Variants in USP20 observed in about 807,000 individuals in gnomAD.
USP20 encodes ubiquitin carboxyl-terminal hydrolase 20.
Under a neutral mutation model 124.2 loss-of-function variants are expected in USP20, and 80 were observed. The ratio of observed to expected loss-of-function variants is 0.64; its 90% CI spans 0.54 to 0.78. The LOEUF is 0.78. USP20 is among the 30% of genes least tolerant of loss of function. The pLI is 0.00. For synonymous variants in USP20, 481 were observed against 512.3 expected, an observed-to-expected ratio of 0.94 and a Z score of 0.83; for missense variants, 1,043 against 1,244.4, an observed-to-expected ratio of 0.84 and a Z score of 2.44.
intron 3 of USP20, among the ~76,000 whole-genome samples, chr9:129,855,052 T>G (rs904201114): frequency 9.9e-5 from 15 of 152,164 alleles, no homozygotes; most frequent in Non-Finnish European, 1.9e-4. Context: ...GTGTGACCTC[T>G]CTGAGTCCCA....
intron 3 of USP20, 144 bp downstream of exon 3, chr9:129,852,780 G>C: frequency 2.4e-6 from 2 of 833,850 alleles, no homozygotes; most frequent in Admixed American, 5.4e-5. Flanking sequence ...GCTGGCATCT[G>C]CTTGGGAGGC....
At chr9:129,843,645 C>G (rs7852266) in intron 1 of USP20, among the ~76,000 whole-genome samples, 23,666 of 148,414 alleles carry the variant, frequency 0.16, 2,280 homozygotes, top group African/African-American at 0.27. Context: ...GCTGAGGCAG[C>G]AGAATTGCTT....
chr9:129,861,091 G>A (rs1363266261), intron 7 of USP20, 58 bp downstream of exon 7: 1 of 1,515,104 alleles, frequency 6.6e-7, no homozygotes, highest in East Asian at 2.3e-5. Flanking sequence ...CTCATCTGGA[G>A]GCTGGAAACC....
At chr9:129,846,247 A>ATCTATTTTT (rs1554742656) in intron 1 of USP20, among the ~76,000 whole-genome samples, 1 of 32,664 alleles carries the variant, frequency 3.1e-5, no homozygotes, top group African/African-American at 1.2e-4. Flanking sequence ...ATATATATAT[A>ATCTATTTTT]TTTTTTTTTT....
At position 129,839,528 on chromosome 9, in the gene USP20, C is replaced by T. The variant is rs2032070439; in HGVS notation, c.-129+4029C>T. ...GTGTGTCTGGGACTTAGGGAGAATG[C>T]TGTTGTGTGGAGGTAGAGTAAAGAC... On this transcript the variant is annotated intron_variant, in intron 1 of 25. Coordinates refer to ENST00000372429, the MANE Select transcript of USP20 (RefSeq NM_001110303.4). This position sits in a 1 kb window ranked among gnomAD's most constrained non-coding sequence, Gnocchi z 4.5. Among the ~76,000 whole-genome samples, 1 of 151,582 alleles carries T rather than the reference C, an allele frequency of 6.6e-6. No homozygotes were observed. The highest frequency in any genetic ancestry group is 1.5e-5 in the Non-Finnish European group (1 of 67,934).
Position 129,865,351 on chromosome 9 carries a change from C to A in USP20, c.660C>A (p.Val220=). ...PTSLSHGIKL[V]NPMFRGYAQQ... Reference sequence around the variant, plus strand: ...GTCTGTCTCATGGGATCAAGTTGGTCAACCCAATGTTCCGAGGCTATGCCC... The same window carrying A: ...GTCTGTCTCATGGGATCAAGTTGGTAAACCCAATGTTCCGAGGCTATGCCC... Residue 220 remains valine (V), a synonymous_variant, in exon 10 of 26, where the codon GTC becomes GTA. Coordinates refer to ENST00000372429, the MANE Select transcript of USP20 (RefSeq NM_001110303.4). The A allele has an allele frequency of 6.2e-7, 1 of 1,614,180 alleles. No individual in the cohort carries two copies. The highest frequency in any genetic ancestry group is 1.1e-5 in the South Asian group (1 of 91,060).
Position 129,847,940 on chromosome 9 carries a change from C to T in USP20, c.-128-1873C>T, listed in dbSNP as rs569750068. On this transcript the variant is annotated intron_variant, in intron 1 of 25. Transcript: ENST00000372429. ...GCTCAGTTTAATGTTTCTCTAAATC[C>T]GACTCATGATTTAGAGCAAGACTCT... Among the ~76,000 whole-genome samples the T allele has an allele frequency of 3.1e-4, 47 of 149,568 alleles. 2 individuals carry two copies. The highest frequency in any genetic ancestry group is 1.1e-3 in the African/African-American group (45 of 40,524).
At chr9:129,859,285 A>ATTTTATTTTATTTTATTTTTTT (rs1175289958) in intron 6 of USP20, among the ~76,000 whole-genome samples, 1 of 9,336 alleles carries the variant, frequency 1.1e-4, no homozygotes, top group Non-Finnish European at 3.2e-4. Context: ...TTTTATTTTA[A>ATTTTATTTTATTTTATTTTTTT]TTTTTTGAGA....
chr9:129,870,480 G>A lies in USP20; in HGVS notation c.1593G>A (p.Trp531Ter). 6.2e-7 allele frequency: 1 copy of A among 1,614,164 alleles called. No individual in the cohort carries two copies. ...RRFVVSCTPS[W>*]FWGPVVTLED... ...TTGTGGTATCCTGTACCCCCAGCTG[G>A]TTTTGGGGGCCTGTCGTCACCCTGG... is the stretch of plus-strand genomic sequence containing the variant. The change falls in exon 15 of 26, where the codon TGG becomes TGA. Residue 531 changes from tryptophan (W) to a stop codon, truncating the protein, a stop_gained. Transcript: ENST00000372429. LOFTEE classifies it high-confidence loss of function.
chr9:129,868,781 G>A (rs1469588180), intron 11 of USP20, 81 bp from the exon 12 acceptor site: 2 of 1,496,244 alleles, frequency 1.3e-6, no homozygotes, highest in Non-Finnish European at 8.9e-7. Flanking sequence ...CCTTTAGGAG[G>A]GGCTGGCAGG....
chr9:129,836,497 G>A (rs1346346850), intron 1 of USP20, among the ~76,000 whole-genome samples: 1 of 152,174 alleles, frequency 6.6e-6, no homozygotes, highest in Non-Finnish European at 1.5e-5. Context: ...GCCTGGCACG[G>A]TAGGAGTGCA....
At chr9:129,854,643 A>C (rs1319503128) in intron 3 of USP20, among the ~76,000 whole-genome samples, 1 of 34,074 alleles carries the variant, frequency 2.9e-5, no homozygotes, top group African/African-American at 6.0e-5. Flanking sequence ...AATAACTGAA[A>C]TGGAAAAAAA....
rs1331891516 is a variant in USP20 at position 129,868,465 on chromosome 9, G to T, written c.1135+16G>T. ...CGGACGCCAGGTATCAGCTGGCCGGGGACTGCGGGAGGAACCTCAGCCTAT... is the reference window on the plus strand; with the variant it reads ...CGGACGCCAGGTATCAGCTGGCCGGTGACTGCGGGAGGAACCTCAGCCTAT... On this transcript the variant is annotated intron_variant, in intron 11 of 25. Coordinates refer to ENST00000372429, the MANE Select transcript of USP20 (RefSeq NM_001110303.4). The T allele has an allele frequency of 1.9e-6, 3 of 1,603,872 alleles. No homozygotes were observed. In the South Asian group the frequency reaches 3.3e-5, roughly 18 times the overall value.
At chr9:129,876,269 T>C (rs370729120) in intron 22 of USP20, 31 bp downstream of exon 22, 2 of 1,553,810 alleles carry the variant, frequency 1.3e-6, no homozygotes, top group Non-Finnish European at 1.8e-6. Flanking sequence ...CGGGGGCGGC[T>C]CTGCCAGCCT....
chr9:129,861,608 A>G lies in USP20; in HGVS notation c.493A>G (p.Asn165Asp). 1 of 1,614,054 alleles carries G rather than the reference A, an allele frequency of 6.2e-7. No homozygotes were observed. Among genetic ancestry groups the G allele is most frequent in the Non-Finnish European group, 8.5e-7 (1 of 1,179,980 alleles). ...GAACGCTGCCCTGCAGGCCCTGTCC[A>G]ATTGGTAGGTCGACACTTTGTCCGA... ...YMNAALQALS[N>D]CPPLTQFFLE... Residue 165 changes from asparagine (N) to aspartate (D), a missense_variant, in exon 8 of 26, where the codon AAT becomes GAT. Asn to Asp is a conservative substitution (Grantham distance 23, BLOSUM62 1). Transcript: ENST00000372429.
rs996052918 is a variant in USP20, at chr9:129,879,766, A to T, written c.2584+122A>T. The T allele has an allele frequency of 4.3e-6, 5 of 1,155,902 alleles. No homozygotes were observed. The highest frequency in any genetic ancestry group is 6.3e-6 in the Non-Finnish European group (5 of 798,054). 71.6% of individuals were successfully genotyped at this position (1,155,902 alleles called of 1,614,324 possible). ...GTCTTAGAGTCAGGCTGAGACGTCC[A>T]CCTGAGTCCAGACCCAGGCGGCTGA... On this transcript the variant is annotated intron_variant, in intron 24 of 25. Coordinates refer to ENST00000372429, the MANE Select transcript of USP20 (RefSeq NM_001110303.4). The surrounding 1 kb of genome is among the most constrained non-coding windows in gnomAD (Gnocchi z 4.2).
At chr9:129,878,481 C>T in intron 23 of USP20, 41 bp downstream of exon 23, 1 of 1,515,190 alleles carries the variant, frequency 6.6e-7, no homozygotes, top group Non-Finnish European at 8.9e-7. Flanking sequence ...GCCCTGGGGG[C>T]CTCCTGGGAG....
intron 1 of USP20, among the ~76,000 whole-genome samples, chr9:129,838,042 A>AT (rs35724053): frequency 0.19 from 26,609 of 142,502 alleles, 2,929 homozygotes; most frequent in South Asian, 0.26. Context: ...GTTGACAACA[A>AT]TTTTTTTTTT....
chr9:129,847,381 C>T (rs1185455712), intron 1 of USP20, among the ~76,000 whole-genome samples: 3 of 151,174 alleles, frequency 2.0e-5, no homozygotes, highest in Admixed American at 6.6e-5. Context: ...CAGCTCACTG[C>T]AGCCTCCGCC....
Sources: gnomAD v4.1 joint callset for allele counts (sites outside exome capture counted in the v4.1 genomes callset) on GRCh38, gnomAD v4.1.1 for gene constraint, Gnocchi (gnomAD v3.1) non-coding constraint, MANE v1.5 for transcripts, NCBI Gene and HGNC (gene_info 2026-07-23, HGNC 2026-07-21) for gene names.